GPC5: variants seen among roughly 807,000 people sequenced by gnomAD.
The protein encoded by GPC5 is glypican-5.
A neutral mutation model predicts 53.9 loss-of-function variants in GPC5; 47 were observed. The ratio of observed to expected loss-of-function variants is 0.87; its 90% CI spans 0.69 to 1.11. GPC5 has a LOEUF of 1.11. GPC5 is among the 50% of genes most tolerant of loss of function. The pLI, the probability that GPC5 is intolerant of heterozygous loss-of-function variation, is 0.00. For missense variants in GPC5, 748 were observed against 713.1 expected, an observed-to-expected ratio of 1.05 and a Z score of -0.56; for synonymous variants, 286 against 263.3, an observed-to-expected ratio of 1.09 and a Z score of -0.84.
rs2042643498 is a variant in GPC5 at position 92,245,446 on chromosome 13, A to C, written c.1561+100457A>C. 2.0e-5 allele frequency among the ~76,000 whole-genome samples: 3 copies of C among 152,224 alleles called. No individual in the cohort carries two copies. The South Asian group carries it at 6.2e-4, about 32-fold the overall frequency. On this transcript the variant is annotated intron_variant, in intron 7 of 7. Coordinates refer to ENST00000377067, the MANE Select transcript of GPC5 (RefSeq NM_004466.6). ...GAATAAGTTCGAAAAGTAAAAAATT[A>C]ATCTGTTTTATTCACTATTATATTC...
At chr13:92,550,465 A>G (rs2139015296) in intron 7 of GPC5, among the ~76,000 whole-genome samples, 1 of 152,040 alleles carries the variant, frequency 6.6e-6, no homozygotes, top group East Asian at 1.9e-4. Context: ...AATTAATTTT[A>G]TCAAATTACA....
At chr13:92,601,937 C>G (rs1448719932) in intron 7 of GPC5, among the ~76,000 whole-genome samples, 1 of 151,422 alleles carries the variant, frequency 6.6e-6, no homozygotes, top group African/African-American at 2.4e-5. Context: ...TTATTTATTA[C>G]TACTATTGTA....
rs372872377 is a variant in GPC5 at position 91,452,457 on chromosome 13, A to G, written c.325+3535A>G. ...CAAGGAGGAATGTTGGCTTTGTCACAGTGCAAACAATAACTGTTCTTCATT... is the reference window on the plus strand; with the variant it reads ...CAAGGAGGAATGTTGGCTTTGTCACGGTGCAAACAATAACTGTTCTTCATT... On this transcript the variant is annotated intron_variant, in intron 2 of 7. Coordinates refer to ENST00000377067, the MANE Select transcript of GPC5 (RefSeq NM_004466.6). Among the ~76,000 whole-genome samples the G allele has an allele frequency of 1.1e-4, 16 of 152,310 alleles. No homozygotes were observed. The East Asian group carries it at 2.5e-3, about 24-fold the overall frequency.
At chr13:91,806,072 G>C (rs1044184072) in intron 5 of GPC5, among the ~76,000 whole-genome samples, 1 of 93,352 alleles carries the variant, frequency 1.1e-5, no homozygotes, top group Admixed American at 1.9e-4. Flanking sequence ...TCTTTCCTCT[G>C]TTGCCCAGGC....
intron 7 of GPC5, among the ~76,000 whole-genome samples, chr13:92,454,277 T>A (rs1409046494): frequency 1.3e-5 from 2 of 152,214 alleles, no homozygotes; most frequent in African/African-American, 4.8e-5. Flanking sequence ...ATGTGACTTG[T>A]CTTTATCAAA....
chr13:91,580,360 T>C (rs1476125362), intron 2 of GPC5, among the ~76,000 whole-genome samples: 1 of 152,206 alleles, frequency 6.6e-6, no homozygotes, highest in African/African-American at 2.4e-5. Context: ...TTAAAATTTT[T>C]TGGTGAAAAT....
chr13:92,735,861 A>C (rs1888920376), intron 7 of GPC5, among the ~76,000 whole-genome samples: 1 of 152,018 alleles, frequency 6.6e-6, no homozygotes, highest in Admixed American at 6.6e-5. Flanking sequence ...TATGTGTCCT[A>C]TCAGCCTCAT....
At chr13:92,484,831 T>G (rs1417896831) in intron 7 of GPC5, 1 of 152,086 alleles carries the variant, frequency 6.6e-6, no homozygotes, top group African/African-American at 2.4e-5. Flanking sequence ...GCCTCCCAGG[T>G]TCAAACAATT....
At chr13:91,474,015 G>T (rs1026784355) in intron 2 of GPC5, among the ~76,000 whole-genome samples, 1 of 152,136 alleles carries the variant, frequency 6.6e-6, no homozygotes, top group African/African-American at 2.4e-5. Context: ...AAATGCATTT[G>T]GGGAGGTTGG....
intron 7 of GPC5, among the ~76,000 whole-genome samples, chr13:92,440,865 G>A (rs1185528527): frequency 6.6e-6 from 1 of 152,026 alleles, no homozygotes; most frequent in African/African-American, 2.4e-5. Context: ...TCTTATGTTT[G>A]TTGGCCACTT....
chr13:92,460,431 T>C (rs1245416325), intron 7 of GPC5, among the ~76,000 whole-genome samples: 1 of 152,176 alleles, frequency 6.6e-6, no homozygotes, highest in Non-Finnish European at 1.5e-5. Flanking sequence ...TTACTTTCTT[T>C]TTTTTTCTTT....
chr13:91,840,948 A>G (rs1002047674), intron 5 of GPC5, among the ~76,000 whole-genome samples: 13 of 152,040 alleles, frequency 8.6e-5, no homozygotes, highest in Non-Finnish European at 1.5e-5. Flanking sequence ...CTTTCATCTC[A>G]TAACTGTGGA....
chr13:91,915,726 GT>G (rs545611247), intron 6 of GPC5, among the ~76,000 whole-genome samples: 1 of 151,772 alleles, frequency 6.6e-6, no homozygotes, highest in Non-Finnish European at 1.5e-5. Flanking sequence ...TTGAAATATG[GT>G]TTTTTTCACA....
At chr13:92,842,580 C>T (rs1200254299) in intron 7 of GPC5, among the ~76,000 whole-genome samples, 1 of 151,514 alleles carries the variant, frequency 6.6e-6, no homozygotes, top group Non-Finnish European at 1.5e-5. Flanking sequence ...TCATAGCACA[C>T]CCCAGAAAGA....
At position 92,329,223 on chromosome 13, in the gene GPC5, A is replaced by G. The variant is rs371661867; in HGVS notation, c.1561+184234A>G. On this transcript the variant is annotated intron_variant, in intron 7 of 7. Coordinates refer to ENST00000377067, the MANE Select transcript of GPC5 (RefSeq NM_004466.6). ...AGGCTTACTTGGCTCATGGTTCTGCAGGCTGTACAGGAAGCATGGCATCCG... is the reference window on the plus strand; with the variant it reads ...AGGCTTACTTGGCTCATGGTTCTGCGGGCTGTACAGGAAGCATGGCATCCG... Among the ~76,000 whole-genome samples the G allele has an allele frequency of 6.9e-4, 105 of 152,294 alleles. 1 individual carries two copies. In the East Asian group the frequency reaches 0.016, roughly 24 times the overall value.
intron 5 of GPC5, among the ~76,000 whole-genome samples, chr13:91,850,104 G>A (rs912265709): frequency 6.6e-5 from 10 of 152,086 alleles, no homozygotes; most frequent in African/African-American, 1.2e-4. Context: ...TTGTTTGAAA[G>A]TTACAACACT....
At chr13:92,395,519 T>C (rs764886587) in intron 7 of GPC5, among the ~76,000 whole-genome samples, 8 of 152,208 alleles carry the variant, frequency 5.3e-5, no homozygotes, top group Non-Finnish European at 1.2e-4. Context: ...ACAAAGGAAA[T>C]AGAGAACATG....
chr13:92,700,927 C>G (rs375628238), intron 7 of GPC5, among the ~76,000 whole-genome samples: 2 of 152,028 alleles, frequency 1.3e-5, no homozygotes, highest in African/African-American at 2.4e-5. Flanking sequence ...TTACAGGTAT[C>G]TTTCTTAGGG....
chr13:92,754,355 G>A (rs1396843341), intron 7 of GPC5, among the ~76,000 whole-genome samples: 1 of 152,096 alleles, frequency 6.6e-6, no homozygotes, highest in Non-Finnish European at 1.5e-5. Flanking sequence ...TGCACAAACG[G>A]TACCAACTAC....
Sources: allele counts gnomAD v4.1 joint callset (sites outside exome capture counted in the v4.1 genomes callset), GRCh38; gene constraint gnomAD v4.1.1; transcripts MANE v1.5; gene names NCBI Gene and HGNC (gene_info 2026-07-23, HGNC 2026-07-21).